LAIR1: variants seen among roughly 807,000 people sequenced by gnomAD.
The protein encoded by LAIR1 is leukocyte-associated immunoglobulin-like receptor 1.
In LAIR1, 24 loss-of-function variants were observed where a neutral mutation model predicts 32.8. That is an observed-to-expected ratio of 0.73 (90% CI 0.53 to 1.03). The LOEUF (loss-of-function observed/expected upper bound fraction) is 1.03, where lower values mean the gene tolerates loss of function less well. Among genes scored for constraint, LAIR1 ranks in the 50% least tolerant of loss-of-function variants. The pLI is 0.00. For synonymous variants in LAIR1, 150 were observed against 140.5 expected, an observed-to-expected ratio of 1.07 and a Z score of -0.48; for missense variants, 355 against 347.5, an observed-to-expected ratio of 1.02 and a Z score of -0.17.
At position 54,356,527 on chromosome 19, in the gene LAIR1, G is replaced by A. The variant is rs772363393; in HGVS notation, c.547C>T (p.Leu183Phe). ...VFLFCLLLLV[L>F]FCLHRQNQIK... ...TGATTCTGGCGATGGAGGCAGAAGA[G>A]GACCAGGAGGAGGAGACAGAAGAGG... Residue 183 changes from leucine to phenylalanine, a missense_variant, in exon 6 of 10, where the codon CTC becomes TTC. Transcript: ENST00000391742. 2.7e-5 allele frequency: 44 copies of A among 1,614,030 alleles called. No individual in the cohort carries two copies. Among genetic ancestry groups the A allele is most frequent in the Non-Finnish European group, 3.7e-5 (44 of 1,179,990 alleles).
intron 4 of LAIR1, among the ~76,000 whole-genome samples, chr19:54,359,252 A>G (rs1469401001): frequency 0.015 from 2,262 of 150,634 alleles, 32 homozygotes; most frequent in African/African-American, 0.053. Context: ...AGGGGCCGCG[A>G]ATGGCTTATG....
Position 54,364,152 on chromosome 19 carries a change from A to G in LAIR1, c.70+143T>C, listed in dbSNP as rs2082149294. The G allele has an allele frequency of 9.6e-7, 1 of 1,037,564 alleles. No homozygotes were observed. The highest frequency in any genetic ancestry group is 1.4e-6 in the Non-Finnish European group (1 of 693,408). The allele number at this position is 1,037,564 out of a possible 1,614,324, so 64.3% of individuals were successfully genotyped here. On this transcript the variant is annotated intron_variant, in intron 2 of 9. Coordinates refer to ENST00000391742, the MANE Select transcript of LAIR1 (RefSeq NM_002287.6). This position sits in a 1 kb window ranked among gnomAD's most constrained non-coding sequence, Gnocchi z 4.8. ...AGAACTGGGTGAGGGTTGGTTATGC[A>G]TTTTACATTTGGAAGAGTTTGCAAT... is the stretch of plus-strand genomic sequence containing the variant.
rs1042712834 is a variant in LAIR1 at position 54,360,877 on chromosome 19, C to A, written c.364+39G>T. On this transcript the variant is annotated intron_variant, in intron 3 of 9. Transcript: ENST00000391742. ...GGGACCTGGGGACAAGCTCGAGGGT[C>A]GAGCTGAGACTGGGGCAGGGCCCAG... 3.8e-6 allele frequency: 6 copies of A among 1,584,748 alleles called. No individual in the cohort carries two copies. The Admixed American group carries it at 6.8e-5, about 18-fold the overall frequency.
upstream of LAIR1, among the ~76,000 whole-genome samples, chr19:54,373,337 G>T (rs1377766738): frequency 2.6e-5 from 4 of 151,850 alleles, no homozygotes; most frequent in Non-Finnish European, 5.9e-5. Context: ...CCAGCTACTT[G>T]GGAGGCTGAG....
In LAIR1 at chr19:54,355,109, G is replaced by T. The variant is rs948414195; in HGVS notation, c.*159C>A. 1 of 682,798 alleles carries T rather than the reference G, an allele frequency of 1.5e-6. No individual in the cohort carries two copies. Among genetic ancestry groups the T allele is most frequent in the Non-Finnish European group, 2.5e-6 (1 of 404,444 alleles). 42.3% of individuals were successfully genotyped at this position (682,798 alleles called of 1,614,324 possible). ...TGGCTAACGAACCTTCTGGATGCTG[G>T]TTAGAAACCTCCAGTCTCCAGCTCT... On this transcript the variant is annotated 3_prime_UTR_variant, in exon 10 of 10. Coordinates refer to ENST00000391742, the MANE Select transcript of LAIR1 (RefSeq NM_002287.6). The surrounding 1 kb of genome is among the most constrained non-coding windows in gnomAD (Gnocchi z 4.7).
chr19:54,373,350 A>G (rs2082451782), upstream of LAIR1, among the ~76,000 whole-genome samples: 1 of 152,004 alleles, frequency 6.6e-6, no homozygotes, highest in African/African-American at 2.4e-5. Context: ...AGGCTGAGGC[A>G]GGAAAATGGC....
rs2082173891 is a variant in LAIR1, at chr19:54,364,566, A to T, written c.34+205T>A. Reference sequence around the variant, plus strand: ...GCTCCCCCAGCCCTTCTTAAAGCTGACCTCATCCCCACACCCGGGCCCCTG... The same window carrying T: ...GCTCCCCCAGCCCTTCTTAAAGCTGTCCTCATCCCCACACCCGGGCCCCTG... On this transcript the variant is annotated intron_variant, in intron 1 of 9. Coordinates refer to ENST00000391742, the MANE Select transcript of LAIR1 (RefSeq NM_002287.6). This position sits in a 1 kb window ranked among gnomAD's most constrained non-coding sequence, Gnocchi z 4.8. 7.6e-6 allele frequency: 6 copies of T among 792,230 alleles called. No homozygotes were observed. In the Admixed American group the frequency reaches 1.2e-4, roughly 16 times the overall value. 49.1% of individuals were successfully genotyped at this position (792,230 alleles called of 1,614,324 possible).
upstream of LAIR1, among the ~76,000 whole-genome samples, chr19:54,369,802 G>A (rs1365810021): frequency 1.3e-5 from 2 of 151,590 alleles, no homozygotes; most frequent in Non-Finnish European, 2.9e-5. Flanking sequence ...AATGTGAAAT[G>A]TCATTAAAAG....
chr19:54,356,173 T>A, intron 8 of LAIR1, 57 bp downstream of exon 8: 2 of 1,386,266 alleles, frequency 1.4e-6, no homozygotes, highest in Non-Finnish European at 2.0e-6. Flanking sequence ...TGCATCTGGA[T>A]TGGCACCAAG....
At chr19:54,362,872 G>T (rs1166863699) in intron 2 of LAIR1, among the ~76,000 whole-genome samples, 1 of 152,110 alleles carries the variant, frequency 6.6e-6, no homozygotes, top group Non-Finnish European at 1.5e-5. Flanking sequence ...TGGAGTGTTT[G>T]AGAAAGCGAA....
chr19:54,365,517 G>A (rs192619937), upstream of LAIR1, among the ~76,000 whole-genome samples: 20 of 152,302 alleles, frequency 1.3e-4, no homozygotes, highest in Middle Eastern at 3.4e-3. Context: ...CAGGCCAGGC[G>A]CAGTGGCTCA....
Position 54,361,211 on chromosome 19 carries a change from T to C in LAIR1, c.71-2A>G. On this transcript the variant is annotated splice_acceptor_variant, in intron 2 of 9. Transcript: ENST00000391742. LOFTEE classifies it high-confidence loss of function. Reference sequence around the variant, plus strand: ...AGATGGAGGGTCTGGGCAGATCTTCTAGGAGGGAAGCAGAGCAGGATCTCA... The same window carrying C: ...AGATGGAGGGTCTGGGCAGATCTTCCAGGAGGGAAGCAGAGCAGGATCTCA... 5 of 1,613,740 alleles carry C rather than the reference T, an allele frequency of 3.1e-6. No homozygotes were observed. The highest frequency in any genetic ancestry group is 2.2e-5 in the East Asian group (1 of 44,852).
At chr19:54,373,470 T>G (rs1025636851), upstream of LAIR1, among the ~76,000 whole-genome samples, 2 of 152,020 alleles carry the variant, frequency 1.3e-5, no homozygotes, top group African/African-American at 4.8e-5. Flanking sequence ...ATAAAATAAA[T>G]AAGTCGATAG....
chr19:54,366,533 G>T (rs572272319), upstream of LAIR1, among the ~76,000 whole-genome samples: 1 of 152,190 alleles, frequency 6.6e-6, no homozygotes, highest in South Asian at 2.1e-4. Flanking sequence ...CTGTTGCCCA[G>T]GCTGGAGTGA....
chr19:54,374,765 G>A (rs1569216055), upstream of LAIR1, among the ~76,000 whole-genome samples: 2 of 152,200 alleles, frequency 1.3e-5, no homozygotes, highest in East Asian at 3.9e-4. Flanking sequence ...TGGTGACTCT[G>A]GAGAAGTTCT....
chr19:54,361,356 C>G (rs73936526), intron 2 of LAIR1, 147 bp from the exon 3 acceptor site: 1 of 817,698 alleles, frequency 1.2e-6, no homozygotes, highest in South Asian at 1.6e-5. Flanking sequence ...AACATTCCCA[C>G]GCCTCCTGCA....
chr19:54,364,749 C>T lies in LAIR1; in HGVS notation c.34+22G>A, dbSNP rs754958062. The T allele has an allele frequency of 8.8e-5, 141 of 1,606,096 alleles. No homozygotes were observed. The highest frequency in any genetic ancestry group is 6.4e-4 in the Admixed American group (38 of 59,668). ...GACCTCCCGACCCCCTTTCCAGCCT[C>T]CCGGCTGCCTCCAGGACTCACCTAG... On this transcript the variant is annotated intron_variant, in intron 1 of 9. Transcript: ENST00000391742. The surrounding 1 kb of genome is among the most constrained non-coding windows in gnomAD (Gnocchi z 4.8).
chr19:54,369,509 A>G (rs975110622), upstream of LAIR1, among the ~76,000 whole-genome samples: 1 of 151,398 alleles, frequency 6.6e-6, no homozygotes, highest in South Asian at 2.1e-4. Context: ...GTTCCATATT[A>G]TGAGGACCCC....
In LAIR1 at chr19:54,364,419, G is replaced by A. The variant is rs754416556; in HGVS notation, c.35-89C>T. On this transcript the variant is annotated intron_variant, in intron 1 of 9. Coordinates refer to ENST00000391742, the MANE Select transcript of LAIR1 (RefSeq NM_002287.6). This position sits in a 1 kb window ranked among gnomAD's most constrained non-coding sequence, Gnocchi z 4.8. ...AAAGGGGGCTCGATGGAGCTGGGGGGCATTCAGCATTTCATAACGACCAAG... is the reference window on the plus strand; with the variant it reads ...AAAGGGGGCTCGATGGAGCTGGGGGACATTCAGCATTTCATAACGACCAAG... 4.0e-6 allele frequency: 6 copies of A among 1,491,044 alleles called. No individual in the cohort carries two copies. Among genetic ancestry groups the A allele is most frequent in the African/African-American group, 1.4e-5 (1 of 72,364 alleles). The allele number at this position is 1,491,044 out of a possible 1,614,324, so 92.4% of individuals were successfully genotyped here. A position where few individuals can be genotyped will look rare whatever the true frequency, so the allele number is the denominator to read the frequency against.
Sources: gnomAD v4.1 joint callset for allele counts (sites outside exome capture counted in the v4.1 genomes callset) on GRCh38, gnomAD v4.1.1 for gene constraint, Gnocchi (gnomAD v3.1) non-coding constraint, MANE v1.5 for transcripts, NCBI Gene and HGNC (gene_info 2026-07-23, HGNC 2026-07-21) for gene names.